The following AMPH variants were observed in gnomAD, a reference collection of about 807,000 sequenced individuals.
AMPH encodes the protein amphiphysin.
AMPH carries 49 observed loss-of-function variants against 99.1 expected under a neutral mutation model. That is an observed-to-expected ratio of 0.49 (90% CI 0.39 to 0.63). AMPH has a LOEUF of 0.63. Among genes scored for constraint, AMPH ranks in the 20% least tolerant of loss-of-function variants. The pLI is 0.00. For missense variants in AMPH, 759 were observed against 863.4 expected (o/e 0.88, Z 1.52); for synonymous variants, 314 against 317.3 (o/e 0.99, Z 0.11).
intron 18 of AMPH, among the ~76,000 whole-genome samples, chr7:38,393,378 T>C (rs3823598): frequency 0.058 from 8,828 of 152,266 alleles, 355 homozygotes; most frequent in East Asian, 0.19. Context: ...AACCAGACAA[T>C]GGAGGCAGGC....
In AMPH at chr7:38,586,694, G is replaced by A. The variant is rs577894521; in HGVS notation, c.69+44589C>T. 4.5e-4 allele frequency among the ~76,000 whole-genome samples: 68 copies of A among 152,184 alleles called. 1 individual carries two copies. In the South Asian group the frequency reaches 0.012, roughly 28 times the overall value. ...ACAAAGGTACACACAGTCTACATTC[G>A]GCCACACCAAGTAGGGGACACAGGT... On this transcript the variant is annotated intron_variant, in intron 1 of 20. Coordinates refer to ENST00000356264, the MANE Select transcript of AMPH (RefSeq NM_001635.4).
At chr7:38,415,113 C>G (rs906629979) in intron 17 of AMPH, among the ~76,000 whole-genome samples, 1 of 152,004 alleles carries the variant, frequency 6.6e-6, no homozygotes, top group Non-Finnish European at 1.5e-5. Flanking sequence ...GAAGACAATA[C>G]TACCTATATG....
chr7:38,627,715 T>C (rs1418862239), intron 1 of AMPH, among the ~76,000 whole-genome samples: 2 of 149,974 alleles, frequency 1.3e-5, no homozygotes, highest in Non-Finnish European at 3.0e-5. Flanking sequence ...TACATATACA[T>C]ATGTATAAGA....
rs1791966764 is a variant in AMPH, at chr7:38,571,092, T to TA, written c.70-36082_70-36081insT. Among the ~76,000 whole-genome samples the TA allele has an allele frequency of 2.6e-5, 2 of 75,634 alleles. 1 individual carries two copies. Among genetic ancestry groups the TA allele is most frequent in the Non-Finnish European group, 4.6e-5 (2 of 43,498 alleles). The allele number at this position is 75,634 out of a possible 152,430, so 49.6% of individuals were successfully genotyped here. On this transcript the variant is annotated intron_variant, in intron 1 of 20. Coordinates refer to ENST00000356264, the MANE Select transcript of AMPH (RefSeq NM_001635.4). ...TATATAGAATATATATATTCATATA[T>TA]TGAATATATATATTCATATATACAG...
chr7:38,513,431 T>A (rs910154680), intron 2 of AMPH, among the ~76,000 whole-genome samples: 1 of 152,126 alleles, frequency 6.6e-6, no homozygotes, highest in African/African-American at 2.4e-5. Context: ...TGTGGAAAGG[T>A]ATAGAAATCA....
chr7:38,494,224 G>A (rs958093545), intron 4 of AMPH, among the ~76,000 whole-genome samples: 1 of 152,196 alleles, frequency 6.6e-6, no homozygotes, highest in African/African-American at 2.4e-5. Flanking sequence ...CTCCCAAAGT[G>A]TTGGGATTAC....
At chr7:38,428,732 T>C (rs769940670) in intron 14 of AMPH, 3 of 456,932 alleles carry the variant, frequency 6.6e-6, no homozygotes, top group South Asian at 4.6e-5. Flanking sequence ...CTTCTATCAT[T>C]CCACAATTAT....
Position 38,417,871 on chromosome 7 carries a change from T to C in AMPH, c.1352A>G (p.Asp451Gly). 1 of 1,614,124 alleles carries C rather than the reference T, an allele frequency of 6.2e-7. No homozygotes were observed. Among genetic ancestry groups the C allele is most frequent in the Non-Finnish European group, 8.5e-7 (1 of 1,180,006 alleles). The stretch of plus-strand genomic sequence containing the variant: ...CTCAGCCCGAGTGTCCATTCCAAGG[T>C]CCAGACCAACGGCAGGTGTGACAGC... ...LAAVTPAVGL[D>G]LGMDTRAEEP... Residue 451 changes from aspartate to glycine, a missense_variant, in exon 17 of 21, where the codon GAC becomes GGC. Coordinates refer to ENST00000356264, the MANE Select transcript of AMPH (RefSeq NM_001635.4).
At chr7:38,615,757 T>G (rs900700255) in intron 1 of AMPH, among the ~76,000 whole-genome samples, 8 of 152,086 alleles carry the variant, frequency 5.3e-5, no homozygotes, top group African/African-American at 1.9e-4. Flanking sequence ...TAAGGAGACC[T>G]GAAGTTGAGA....
chr7:38,421,542 G>A (rs1562742014), intron 16 of AMPH, among the ~76,000 whole-genome samples: 1 of 152,232 alleles, frequency 6.6e-6, no homozygotes, highest in Non-Finnish European at 1.5e-5. Flanking sequence ...AGACACACCT[G>A]TCTTTGCAAA....
chr7:38,545,562 C>A (rs1790964927), intron 1 of AMPH, among the ~76,000 whole-genome samples: 1 of 152,236 alleles, frequency 6.6e-6, no homozygotes, highest in African/African-American at 2.4e-5. Flanking sequence ...CCTCTTTGAG[C>A]AAACTTTCTT....
intron 11 of AMPH, among the ~76,000 whole-genome samples, chr7:38,449,921 G>GA (rs34982490): frequency 6.6e-6 from 1 of 152,138 alleles, no homozygotes; most frequent in African/African-American, 2.4e-5. Flanking sequence ...TTACATGGGT[G>GA]AAAAAACCAT....
chr7:38,407,335 A>ATCTCTCTCTCTC (rs70975099), intron 17 of AMPH, among the ~76,000 whole-genome samples: 4,603 of 140,468 alleles, frequency 0.033, 107 homozygotes, highest in South Asian at 0.09. Context: ...ATTAGGGAAA[A>ATCTCTCTCTCTC]TCTCTCTCTC....
intron 5 of AMPH, among the ~76,000 whole-genome samples, chr7:38,479,415 T>C (rs1477147121): frequency 6.6e-6 from 1 of 152,014 alleles, no homozygotes; most frequent in Admixed American, 6.6e-5. Context: ...ATTGCCAGCA[T>C]AAGAATTTTA....
At chr7:38,530,503 A>G (rs1013791330) in intron 2 of AMPH, among the ~76,000 whole-genome samples, 6 of 152,188 alleles carry the variant, frequency 3.9e-5, no homozygotes, top group African/African-American at 1.4e-4. Context: ...TATTTGAACT[A>G]TTGTTCTTAG....
chr7:38,505,499 C>T (rs1308306342), intron 2 of AMPH, among the ~76,000 whole-genome samples: 1 of 152,194 alleles, frequency 6.6e-6, no homozygotes, highest in African/African-American at 2.4e-5. Context: ...GACTCCCTTT[C>T]TAGTGTCTCA....
At chr7:38,461,595 T>C (rs376800072) in intron 10 of AMPH, among the ~76,000 whole-genome samples, 184 bp from the exon 11 acceptor site, 2 of 152,192 alleles carry the variant, frequency 1.3e-5, no homozygotes, top group African/African-American at 4.8e-5. Flanking sequence ...CTCTGAGCCC[T>C]GATAAGCCAT....
chr7:38,586,086 C>T (rs1315627013), intron 1 of AMPH, among the ~76,000 whole-genome samples: 1 of 152,184 alleles, frequency 6.6e-6, no homozygotes, highest in Non-Finnish European at 1.5e-5. Context: ...AAGATGGCCA[C>T]ATGAAGTCCA....
intron 19 of AMPH, 59 bp from the exon 20 acceptor site, chr7:38,389,964 CT>C: frequency 1.5e-6 from 2 of 1,298,074 alleles, no homozygotes; most frequent in Non-Finnish European, 2.2e-6. Context: ...AGCAGACACT[CT>C]TACAAGTCAC....
Sources: gnomAD v4.1 joint callset for allele counts (sites outside exome capture counted in the v4.1 genomes callset) on GRCh38, gnomAD v4.1.1 for gene constraint, MANE v1.5 for transcripts, NCBI Gene and HGNC (gene_info 2026-07-23, HGNC 2026-07-21) for gene names.